The following TMEM266 variants were observed in gnomAD, a reference collection of about 807,000 sequenced individuals.
The protein encoded by TMEM266 is Hv1 related protein 1.
A neutral mutation model predicts 50.5 loss-of-function variants in TMEM266; 33 were observed. That is an observed-to-expected ratio of 0.65 (90% CI 0.50 to 0.87). The LOEUF is 0.87. Among genes scored for constraint, TMEM266 ranks in the 40% least tolerant of loss-of-function variants. TMEM266 has a pLI of 0.00. For missense variants in TMEM266, 655 were observed against 695.1 expected (o/e 0.94, Z 0.65); for synonymous variants, 310 against 292.3 (o/e 1.06, Z -0.62).
intron 1 of TMEM266, among the ~76,000 whole-genome samples, chr15:76,090,588 C>T (rs2036835706): frequency 6.6e-6 from 1 of 151,644 alleles, no homozygotes; most frequent in African/African-American, 2.4e-5. Context: ...AAAGGATGCA[C>T]AGTGTCCCAA....
intron 1 of TMEM266, among the ~76,000 whole-genome samples, chr15:76,129,193 A>C (rs76778257): frequency 0.012 from 1,858 of 152,318 alleles, 37 homozygotes; most frequent in African/African-American, 0.043. Flanking sequence ...CTGTTAGTAT[A>C]ATAAAAAGAG....
At chr15:76,083,596 C>T (rs1457042541) in intron 1 of TMEM266, among the ~76,000 whole-genome samples, 1 of 152,212 alleles carries the variant, frequency 6.6e-6, no homozygotes, top group Non-Finnish European at 1.5e-5. Context: ...TCCATGCCCT[C>T]ACCCCCACAC....
intron 1 of TMEM266, among the ~76,000 whole-genome samples, chr15:76,125,098 C>T (rs949654155): frequency 6.6e-6 from 1 of 152,062 alleles, no homozygotes; most frequent in African/African-American, 2.4e-5. Context: ...AAAGGATAGT[C>T]TCTTCAATAG....
At chr15:76,130,080 C>T (rs957675899) in intron 1 of TMEM266, among the ~76,000 whole-genome samples, 27 of 150,240 alleles carry the variant, frequency 1.8e-4, no homozygotes, top group Middle Eastern at 3.3e-3. Context: ...AAAAGGTAGC[C>T]GGGTGTGGTG....
At chr15:76,082,715 T>C (rs2036713548) in intron 1 of TMEM266, among the ~76,000 whole-genome samples, 1 of 152,152 alleles carries the variant, frequency 6.6e-6, no homozygotes, top group African/African-American at 2.4e-5. Context: ...ATGCCTGTAA[T>C]CCCAGCACTT....
intron 3 of TMEM266, among the ~76,000 whole-genome samples, chr15:76,147,246 C>T (rs1288629148): frequency 6.6e-6 from 1 of 152,080 alleles, no homozygotes; most frequent in African/African-American, 2.4e-5. Context: ...CAAAGTCACC[C>T]TAGAAGAAGG....
At chr15:76,188,579 GTGACGGAGCAAGACTCT>G (rs1032645446) in intron 8 of TMEM266, among the ~76,000 whole-genome samples, 1 of 152,148 alleles carries the variant, frequency 6.6e-6, no homozygotes, top group Non-Finnish European at 1.5e-5. Flanking sequence ...TCCAGCCCGG[GTGACGGAGCAAGACTCT>G]GTCTGAAAAA....
At chr15:76,115,475 C>G (rs1348362859) in intron 1 of TMEM266, among the ~76,000 whole-genome samples, 1 of 152,208 alleles carries the variant, frequency 6.6e-6, no homozygotes, top group Non-Finnish European at 1.5e-5. Flanking sequence ...ACGCTCTCTG[C>G]TCTCTGGCTC....
rs751309321 is a variant in TMEM266, at chr15:76,171,099, T to C, written c.620T>C (p.Leu207Pro). The change falls in exon 7 of 11, where the codon CTC (leucine) becomes CCC (proline). Residue 207 changes from leucine to proline, a missense_variant. By Grantham distance (98) the Leu-to-Pro change is moderately conservative. Transcript: ENST00000388942. The stretch of plus-strand genomic sequence containing the variant: ...GACGCCATCAGCCTCATCATCATGC[T>C]CCGGATCTGGAGGGTGAAGAGGGTC... The C allele has an allele frequency of 6.2e-7, 1 of 1,613,698 alleles. No homozygotes were observed.
chr15:76,133,006 C>T (rs113341461), intron 1 of TMEM266, among the ~76,000 whole-genome samples: 2,342 of 151,308 alleles, frequency 0.015, 36 homozygotes, highest in Middle Eastern at 0.058. Context: ...TGTGGTAGTA[C>T]GTGCCTGTAA....
chr15:76,171,703 G>T (rs2038191715), intron 7 of TMEM266, among the ~76,000 whole-genome samples: 1 of 152,226 alleles, frequency 6.6e-6, no homozygotes, highest in South Asian at 2.1e-4. Context: ...TTAGTGACGT[G>T]CCTTTCCATC....
chr15:76,112,324 GT>G, intron 1 of TMEM266, among the ~76,000 whole-genome samples: 1 of 152,276 alleles, frequency 6.6e-6, no homozygotes, highest in African/African-American at 2.4e-5. Context: ...ATCAATATTG[GT>G]TCATCAGTTT....
intron 3 of TMEM266, among the ~76,000 whole-genome samples, chr15:76,141,579 T>C (rs2037679242): frequency 6.6e-6 from 1 of 152,132 alleles, no homozygotes; most frequent in African/African-American, 2.4e-5. Flanking sequence ...AAAAATGTGG[T>C]AAAATACATG....
intron 3 of TMEM266, 44 bp from the exon 4 acceptor site, chr15:76,156,560 C>T (rs2037930462): frequency 6.2e-7 from 1 of 1,605,294 alleles, no homozygotes; most frequent in South Asian, 1.1e-5. Flanking sequence ...CCTCTTGTCC[C>T]CTCCCACTCT....
chr15:76,089,459 C>T (rs904746699), intron 1 of TMEM266, among the ~76,000 whole-genome samples: 1 of 152,108 alleles, frequency 6.6e-6, no homozygotes, highest in Non-Finnish European at 1.5e-5. Flanking sequence ...TCCCAAAGTG[C>T]TGGGATTACA....
chr15:76,190,042 T>A (rs2038544398), intron 8 of TMEM266, among the ~76,000 whole-genome samples: 1 of 152,208 alleles, frequency 6.6e-6, no homozygotes, highest in African/African-American at 2.4e-5. Flanking sequence ...GTTGTATGTG[T>A]TTTACGTTCA....
At chr15:76,164,174 T>A (rs1437443073) in intron 5 of TMEM266, among the ~76,000 whole-genome samples, 1 of 152,146 alleles carries the variant, frequency 6.6e-6, no homozygotes, top group Admixed American at 6.5e-5. Context: ...TTTAGCATGT[T>A]TTCTCGGTTC....
chr15:76,101,489 C>A (rs943554048), intron 1 of TMEM266, among the ~76,000 whole-genome samples: 1 of 152,170 alleles, frequency 6.6e-6, no homozygotes, highest in Non-Finnish European at 1.5e-5. Context: ...AGGAGGTAGA[C>A]GCAAGTTCCA....
intron 9 of TMEM266, among the ~76,000 whole-genome samples, chr15:76,192,751 A>G (rs1039166081): frequency 1.3e-5 from 2 of 152,220 alleles, no homozygotes; most frequent in Admixed American, 1.3e-4. Flanking sequence ...TCGAGATTCA[A>G]ATCCCAACTC....
Sources: gnomAD v4.1 joint callset for allele counts (sites outside exome capture counted in the v4.1 genomes callset) on GRCh38, gnomAD v4.1.1 for gene constraint, MANE v1.5 for transcripts, NCBI Gene and HGNC (gene_info 2026-07-23, HGNC 2026-07-21) for gene names.